Variants in ADAM29 observed in about 807,000 individuals in gnomAD.
ADAM29 encodes ADAM metallopeptidase domain 29.
For synonymous variants in ADAM29, 367 were observed against 342.3 expected, an observed-to-expected ratio of 1.07 and a Z score of -0.80; for missense variants, 969 against 1,001.8, an observed-to-expected ratio of 0.97 and a Z score of 0.44.
intron 2 of ADAM29, among the ~76,000 whole-genome samples, chr4:174,928,974 A>T (rs1233469775): frequency 6.6e-6 from 1 of 152,196 alleles, no homozygotes; most frequent in Non-Finnish European, 1.5e-5. Flanking sequence ...CTCTAAGAAA[A>T]GAGAGATCAA....
rs78131502 is a variant in ADAM29, at chr4:174,935,062, T to C, written c.-261-1871T>C. Among the ~76,000 whole-genome samples the C allele has an allele frequency of 4.8e-3, 729 of 152,266 alleles. 4 individuals are homozygous for C. The highest frequency in any genetic ancestry group is 7.5e-3 in the Non-Finnish European group (507 of 68,004). On this transcript the variant is annotated intron_variant, in intron 3 of 4. Coordinates refer to ENST00000359240, the MANE Select transcript of ADAM29 (RefSeq NM_014269.4). The stretch of plus-strand genomic sequence containing the variant: ...TATTATTGTAACTGTGTTCATATAT[T>C]ATAGGCATCAAAGCTATGAAGAGCG...
chr4:174,919,522 C>T (rs941523245), intron 1 of ADAM29, among the ~76,000 whole-genome samples: 3 of 152,108 alleles, frequency 2.0e-5, no homozygotes, highest in South Asian at 2.1e-4. Context: ...GCATTAGCCA[C>T]GTTGCAGTTC....
chr4:174,930,277 A>G (rs1378682294), intron 2 of ADAM29, among the ~76,000 whole-genome samples: 1 of 152,166 alleles, frequency 6.6e-6, no homozygotes, highest in East Asian at 1.9e-4. Flanking sequence ...CTCATGATGT[A>G]AAGCTTGAAG....
intron 2 of ADAM29, among the ~76,000 whole-genome samples, chr4:174,922,415 G>C (rs1213993716): frequency 3.3e-5 from 5 of 152,132 alleles, no homozygotes; most frequent in African/African-American, 1.2e-4. Flanking sequence ...GTCATAACTG[G>C]AGTCTGCTTA....
intron 2 of ADAM29, among the ~76,000 whole-genome samples, chr4:174,929,556 C>T (rs1403286687): frequency 6.6e-6 from 1 of 152,082 alleles, no homozygotes; most frequent in East Asian, 1.9e-4. Flanking sequence ...TCCCAGGTTC[C>T]ACACAGGAAG....
rs1746917842 is a variant in ADAM29, at chr4:174,977,509, G to T, written c.1984G>T (p.Val662Phe). 1.2e-6 allele frequency: 2 copies of T among 1,614,084 alleles called. No individual in the cohort carries two copies. Among genetic ancestry groups the T allele is most frequent in the Non-Finnish European group, 1.7e-6 (2 of 1,180,038 alleles). ...CCTGATAAAAGGCTATGGAGGTAGT[G>T]TTGACAGTGGCCCACCCCCTAAGAG... ...NCLIKGYGGS[V>F]DSGPPPKRKK... The change falls in exon 5 of 5, where the codon GTT (valine) becomes TTT (phenylalanine). Residue 662 changes from valine (V) to phenylalanine (F), a missense_variant. By Grantham distance (50) the Val-to-Phe change is conservative. Transcript: ENST00000359240.
chr4:174,925,134 A>G (rs1196410914), intron 2 of ADAM29, among the ~76,000 whole-genome samples: 1 of 152,236 alleles, frequency 6.6e-6, no homozygotes, highest in Admixed American at 6.5e-5. Flanking sequence ...AAACTGCAAT[A>G]GCCAAAGAAG....
Position 174,977,063 on chromosome 4 carries a change from C to T in ADAM29, c.1538C>T (p.Ala513Val). The T allele has an allele frequency of 1.9e-6, 3 of 1,614,054 alleles. No individual in the cohort carries two copies. Among genetic ancestry groups the T allele is most frequent in the Non-Finnish European group, 2.5e-6 (3 of 1,180,006 alleles). The change falls in exon 5 of 5, where the codon GCA becomes GTA. Residue 513 changes from alanine (A) to valine (V), a missense_variant. By Grantham distance (64) the Ala-to-Val change is moderately conservative. Coordinates refer to ENST00000359240, the MANE Select transcript of ADAM29 (RefSeq NM_014269.4). ...TGTAGGAGGATTTTTGGTGCAGGCG[C>T]AAATACTGCAAGTGAGACTTGCTAC... ...EQCRRIFGAG[A>V]NTASETCYKE...
In ADAM29 at chr4:174,962,277, C is replaced by G. The variant is rs553166379; in HGVS notation, c.-180-13069C>G. The stretch of plus-strand genomic sequence containing the variant: ...CTGTAATCCCAGTACTTTGGGAGGC[C>G]GGGGCGGGCAGATCATGAGGTCAGG... On this transcript the variant is annotated intron_variant, in intron 4 of 4. Transcript: ENST00000359240. Among the ~76,000 whole-genome samples the G allele has an allele frequency of 2.6e-5, 4 of 151,944 alleles. No individual in the cohort carries two copies. The South Asian group carries it at 6.2e-4, about 24-fold the overall frequency.
Position 174,953,014 on chromosome 4 carries a change from C to T in ADAM29, c.-181+16001C>T, listed in dbSNP as rs561354304. ...ATCATTAAGAATGCTAGGCTGGGCGCGATGGCTCACGCCTGTAATCCTAGC... is the reference window on the plus strand; with the variant it reads ...ATCATTAAGAATGCTAGGCTGGGCGTGATGGCTCACGCCTGTAATCCTAGC... On this transcript the variant is annotated intron_variant, in intron 4 of 4. Transcript: ENST00000359240. Among the ~76,000 whole-genome samples, 3 of 152,216 alleles carry T rather than the reference C, an allele frequency of 2.0e-5. No individual in the cohort carries two copies. The South Asian group carries it at 6.2e-4, about 32-fold the overall frequency.
intron 4 of ADAM29, among the ~76,000 whole-genome samples, chr4:174,957,898 A>G (rs1745595045): frequency 6.6e-6 from 1 of 151,978 alleles, no homozygotes; most frequent in African/African-American, 2.4e-5. Context: ...TGATGCCTGG[A>G]TCTGATTTTA....
chr4:174,946,016 A>G (rs1179109811), intron 4 of ADAM29, among the ~76,000 whole-genome samples: 1 of 151,970 alleles, frequency 6.6e-6, no homozygotes, highest in Admixed American at 6.6e-5. Context: ...CTTTTTTTCT[A>G]ATTATGTAAA....
chr4:174,977,227 C>T lies in ADAM29; in HGVS notation c.1702C>T (p.His568Tyr). The change falls in exon 5 of 5, where the codon CAT becomes TAT. Residue 568 changes from histidine (H) to tyrosine (Y), a missense_variant. His to Tyr is a moderately conservative substitution (Grantham distance 83). Coordinates refer to ENST00000359240, the MANE Select transcript of ADAM29 (RefSeq NM_014269.4). ...NVTEIPNMSD[H>Y]TTVHWARFND... ...GACAGAAATTCCCAATATGAGTGAT[C>T]ATACTACTGTGCATTGGGCTCGCTT... The T allele has an allele frequency of 6.2e-7, 1 of 1,614,046 alleles. No homozygotes were observed. The highest frequency in any genetic ancestry group is 8.5e-7 in the Non-Finnish European group (1 of 1,180,046).
chr4:174,944,506 G>A (rs531295979), intron 4 of ADAM29, among the ~76,000 whole-genome samples: 1 of 151,922 alleles, frequency 6.6e-6, no homozygotes, highest in Admixed American at 6.6e-5. Context: ...CAGCATTCTA[G>A]TCTCCTTATT....
intron 4 of ADAM29, among the ~76,000 whole-genome samples, chr4:174,942,958 T>C (rs904856997): frequency 1.3e-5 from 2 of 152,216 alleles, no homozygotes; most frequent in South Asian, 4.1e-4. Flanking sequence ...ACATCTTGAG[T>C]ACTTTGCTGC....
intron 4 of ADAM29, among the ~76,000 whole-genome samples, chr4:174,967,833 A>G (rs1365548470): frequency 1.3e-5 from 2 of 152,202 alleles, no homozygotes; most frequent in African/African-American, 2.4e-5. Flanking sequence ...AAACAATCGC[A>G]CAAACTGATA....
Position 174,976,791 on chromosome 4 carries a change from TC to T in ADAM29, c.1269del (p.Cys424AlafsTer8), listed in dbSNP as rs1746842056. Reference protein sequence around the residue: ...CGPLKHCAKDPCCLSNCTLTD... With the variant: ...CGPLKHCAKDXCCLSNCTLTD... ...GACCTTTAAAGCATTGTGCAAAAGA[TC>T]CCTGCTGTCTGTCAAATTGCACTCT... On this transcript the variant is annotated frameshift_variant, in exon 5 of 5. Coordinates refer to ENST00000359240, the MANE Select transcript of ADAM29 (RefSeq NM_014269.4). LOFTEE classifies it low-confidence loss of function (END_TRUNC). 1 of 1,614,058 alleles carries T rather than the reference TC, an allele frequency of 6.2e-7. No individual in the cohort carries two copies. The highest frequency in any genetic ancestry group is 1.7e-5 in the Admixed American group (1 of 60,008).
chr4:174,938,282 A>G (rs1744316601), intron 4 of ADAM29, among the ~76,000 whole-genome samples: 1 of 152,118 alleles, frequency 6.6e-6, no homozygotes, highest in African/African-American at 2.4e-5. Context: ...ATATAAAACT[A>G]CAGAATTTGG....
chr4:174,974,375 AT>A (rs1259102848), intron 4 of ADAM29, among the ~76,000 whole-genome samples: 9 of 152,240 alleles, frequency 5.9e-5, no homozygotes, highest in African/African-American at 2.2e-4. Flanking sequence ...AGAAACTCAG[AT>A]AACTGACCTT....
Sources: allele counts gnomAD v4.1 joint callset (sites outside exome capture counted in the v4.1 genomes callset), GRCh38; gene constraint gnomAD v4.1.1; transcripts MANE v1.5; gene names NCBI Gene and HGNC (gene_info 2026-07-23, HGNC 2026-07-21).